Variants in RPTOR observed in about 807,000 individuals in gnomAD.
The protein encoded by RPTOR is regulatory-associated protein of mTOR.
A neutral mutation model predicts 169.9 loss-of-function variants in RPTOR; 21 were observed. That is an observed-to-expected ratio of 0.12 (90% CI 0.09 to 0.18). RPTOR has a LOEUF of 0.18. Among genes scored for constraint, RPTOR ranks in the 10% least tolerant of loss-of-function variants. The pLI is 1.00. For missense variants in RPTOR, 1,133 were observed against 1,855.9 expected, an observed-to-expected ratio of 0.61 and a Z score of 7.16; for synonymous variants, 732 against 753.2, an observed-to-expected ratio of 0.97 and a Z score of 0.46.
intron 2 of RPTOR, among the ~76,000 whole-genome samples, chr17:80,639,724 G>A (rs1313459739): frequency 6.6e-6 from 1 of 152,258 alleles, no homozygotes; most frequent in East Asian, 1.9e-4. Flanking sequence ...GAGGAACCCA[G>A]CTGGGAGGTG....
At chr17:80,763,317 G>A (rs2066754058) in intron 6 of RPTOR, among the ~76,000 whole-genome samples, 1 of 152,168 alleles carries the variant, frequency 6.6e-6, no homozygotes, top group Admixed American at 6.5e-5. Context: ...ATGAAAAAGA[G>A]AAATACGAGC....
intron 7 of RPTOR, among the ~76,000 whole-genome samples, chr17:80,821,648 AT>A (rs1050397765): frequency 1.8e-4 from 27 of 151,962 alleles, no homozygotes; most frequent in African/African-American, 5.8e-4. Context: ...GTGCTTGTTC[AT>A]TTGCCTGTTA....
At chr17:80,791,388 C>G (rs1209616870) in intron 6 of RPTOR, 62 bp from the exon 7 acceptor site, 8 of 1,481,224 alleles carry the variant, frequency 5.4e-6, no homozygotes, top group Non-Finnish European at 6.5e-6. Flanking sequence ...TTCTGCAGGC[C>G]TGTTGAATTT....
intron 6 of RPTOR, among the ~76,000 whole-genome samples, chr17:80,769,851 C>T (rs911658155): frequency 3.3e-5 from 5 of 152,072 alleles, no homozygotes; most frequent in Admixed American, 2.0e-4. Context: ...GGGCGGGGTC[C>T]GTGACCATGA....
At chr17:80,603,791 C>T (rs540014779) in intron 1 of RPTOR, among the ~76,000 whole-genome samples, 31 of 152,300 alleles carry the variant, frequency 2.0e-4, no homozygotes, top group Admixed American at 1.6e-3. Flanking sequence ...GCCAAAGAAG[C>T]GCATCCGAGA....
In RPTOR at chr17:80,569,263, G is replaced by A. The variant is rs576479315; in HGVS notation, c.162+23472G>A. On this transcript the variant is annotated intron_variant, in intron 1 of 33. Transcript: ENST00000306801. ...GAGTGTTACGTTGTTGAGCATCTGC[G>A]TTTTGTTTTCTGCATTTAAACAGTG... 1.3e-4 allele frequency among the ~76,000 whole-genome samples: 20 copies of A among 152,282 alleles called. No individual in the cohort carries two copies. In the South Asian group the frequency reaches 2.7e-3, roughly 20 times the overall value.
chr17:80,827,818 G>T (rs572963775), intron 9 of RPTOR, among the ~76,000 whole-genome samples: 1 of 152,170 alleles, frequency 6.6e-6, no homozygotes, highest in African/African-American at 2.4e-5. Context: ...CGCCTGCTGC[G>T]TGTTGGGCTT....
At chr17:80,904,032 G>C (rs756096580) in intron 20 of RPTOR, among the ~76,000 whole-genome samples, 4 of 152,240 alleles carry the variant, frequency 2.6e-5, no homozygotes, top group African/African-American at 4.8e-5. Flanking sequence ...TTGTCTCGTA[G>C]GGGTACTGAA....
chr17:80,826,216 G>A (rs1399840537), intron 9 of RPTOR, among the ~76,000 whole-genome samples: 1 of 152,210 alleles, frequency 6.6e-6, no homozygotes, highest in African/African-American at 2.4e-5. Context: ...CTTGCTGTAA[G>A]AGAAAATCTC....
intron 1 of RPTOR, among the ~76,000 whole-genome samples, chr17:80,624,995 C>T (rs972290505): frequency 1.4e-4 from 22 of 152,170 alleles, no homozygotes; most frequent in African/African-American, 5.3e-4. Flanking sequence ...GAGAAGGCCT[C>T]CCCAAGAAAT....
At chr17:80,605,600 G>A (rs1226683752) in intron 1 of RPTOR, among the ~76,000 whole-genome samples, 1 of 152,206 alleles carries the variant, frequency 6.6e-6, no homozygotes, top group Non-Finnish European at 1.5e-5. Context: ...CTGCAAAACA[G>A]AGTTGGGTAC....
intron 6 of RPTOR, among the ~76,000 whole-genome samples, chr17:80,769,313 T>C (rs987401261): frequency 4.6e-5 from 7 of 152,260 alleles, no homozygotes; most frequent in African/African-American, 1.2e-4. Context: ...TGTATATGTA[T>C]GTTCAGTACA....
rs922991003 is a variant in RPTOR at position 80,860,021 on chromosome 17, C to A, written c.1509+2121C>A. Reference sequence around the variant, plus strand: ...CAAGTACAGGAGAGTGCCAAGAACACCTTGGAGAGGCCATGGCTTGGAGCC... The same window carrying A: ...CAAGTACAGGAGAGTGCCAAGAACAACTTGGAGAGGCCATGGCTTGGAGCC... On this transcript the variant is annotated intron_variant, in intron 13 of 33. Transcript: ENST00000306801. This position sits in a 1 kb window ranked among gnomAD's most constrained non-coding sequence, Gnocchi z 5.8. Among the ~76,000 whole-genome samples the A allele has an allele frequency of 6.6e-6, 1 of 150,838 alleles. No homozygotes were observed. Among genetic ancestry groups the A allele is most frequent in the Non-Finnish European group, 1.5e-5 (1 of 67,074 alleles).
At chr17:80,567,517 C>T (rs1472985676) in intron 1 of RPTOR, among the ~76,000 whole-genome samples, 3 of 151,866 alleles carry the variant, frequency 2.0e-5, no homozygotes, top group Non-Finnish European at 2.9e-5. Flanking sequence ...TCTGGCCGGG[C>T]GCGGTGGCTC....
intron 4 of RPTOR, among the ~76,000 whole-genome samples, chr17:80,712,328 A>G (rs1010917264): frequency 3.3e-5 from 5 of 152,160 alleles, no homozygotes; most frequent in African/African-American, 1.2e-4. Context: ...CACACAGAGT[A>G]GTGGTGTCCT....
In RPTOR at chr17:80,545,621, C is replaced by T. The variant is rs2143184654; in HGVS notation, c.-9C>T. On this transcript the variant is annotated 5_prime_UTR_variant, in exon 1 of 34. Transcript: ENST00000306801. ...GCTGCCAAGGACTCCCCCACCCCCTCCCCCACTGATGGAGTCCGAAATGCT... is the reference window on the plus strand; with the variant it reads ...GCTGCCAAGGACTCCCCCACCCCCTTCCCCACTGATGGAGTCCGAAATGCT... The T allele has an allele frequency of 3.1e-6, 5 of 1,604,896 alleles. No homozygotes were observed. Among genetic ancestry groups the T allele is most frequent in the Middle Eastern group, 1.8e-4 (1 of 5,642 alleles).
At chr17:80,809,046 C>T (rs1270774307) in intron 7 of RPTOR, among the ~76,000 whole-genome samples, 1 of 152,182 alleles carries the variant, frequency 6.6e-6, no homozygotes, top group Non-Finnish European at 1.5e-5. Context: ...ATTGCTTGGT[C>T]ATATGGTAGG....
rs112983841 is a variant in RPTOR at position 80,746,181 on chromosome 17, G to T, written c.655-7829G>T. Among the ~76,000 whole-genome samples, 35,334 of 135,254 alleles carry T rather than the reference G, an allele frequency of 0.26. 6,323 individuals are homozygous for T. The highest frequency in any genetic ancestry group is 0.52 in the East Asian group (2,309 of 4,400). 88.7% of individuals were successfully genotyped at this position (135,254 alleles called of 152,430 possible). On this transcript the variant is annotated intron_variant, in intron 5 of 33. Coordinates refer to ENST00000306801, the MANE Select transcript of RPTOR (RefSeq NM_020761.3). This position sits in a 1 kb window ranked among gnomAD's most constrained non-coding sequence, Gnocchi z 4.5. ...CCATCTCAAAAAAAAAAAAAAAAGT[G>T]CAGTGCAGGTGATCCCCACCGCCCC...
intron 10 of RPTOR, among the ~76,000 whole-genome samples, chr17:80,838,901 G>C (rs1396173153): frequency 6.6e-6 from 1 of 152,228 alleles, no homozygotes; most frequent in African/African-American, 2.4e-5. Flanking sequence ...AAGGACAAAG[G>C]GAGTTAATGT....
Sources: gnomAD v4.1 joint callset for allele counts (sites outside exome capture counted in the v4.1 genomes callset) on GRCh38, gnomAD v4.1.1 for gene constraint, Gnocchi (gnomAD v3.1) non-coding constraint, MANE v1.5 for transcripts, NCBI Gene and HGNC (gene_info 2026-07-23, HGNC 2026-07-21) for gene names.